MGA: variants seen among roughly 807,000 people sequenced by gnomAD.
The protein encoded by MGA is MAX dimerization protein MGA.
MGA carries 40 observed loss-of-function variants against 261.1 expected under a neutral mutation model. The ratio of observed to expected loss-of-function variants is 0.15; its 90% CI spans 0.12 to 0.20. The LOEUF (loss-of-function observed/expected upper bound fraction) is 0.20. Ranked by LOEUF, MGA falls within the 10% of genes least tolerant of loss-of-function variation. The probability of loss-of-function intolerance (pLI) is 1.00; values close to 1 mark genes in which losing one functional copy is unlikely to be tolerated. For missense variants in MGA, 3,397 were observed against 3,630.5 expected, an observed-to-expected ratio of 0.94 and a Z score of 1.65; for synonymous variants, 1,302 against 1,290.6, an observed-to-expected ratio of 1.01 and a Z score of -0.19.
chr15:41,652,757 T>C (rs1414287218), intron 1 of MGA, among the ~76,000 whole-genome samples: 1 of 152,134 alleles, frequency 6.6e-6, no homozygotes, highest in Non-Finnish European at 1.5e-5. Context: ...AGCTTGAGCT[T>C]TTTGAGGGGA....
At chr15:41,756,782 C>T (rs894796821) in intron 18 of MGA, among the ~76,000 whole-genome samples, 31 of 152,044 alleles carry the variant, frequency 2.0e-4, no homozygotes, top group African/African-American at 6.5e-4. Context: ...TTTGTAGAGA[C>T]GGAGTCTTGC....
chr15:41,653,524 A>G (rs2057109012), intron 1 of MGA, among the ~76,000 whole-genome samples: 1 of 151,986 alleles, frequency 6.6e-6, no homozygotes, highest in Non-Finnish European at 1.5e-5. Flanking sequence ...AATCCAACCT[A>G]GCAAGACCCC....
intron 20 of MGA, among the ~76,000 whole-genome samples, chr15:41,761,017 C>T (rs528125830): frequency 5.3e-5 from 8 of 152,316 alleles, no homozygotes; most frequent in Admixed American, 5.2e-4. Context: ...GTGATCCGCC[C>T]ACCTCAGCCT....
chr15:41,760,424 T>C lies in MGA; in HGVS notation c.7293T>C (p.Asn2431=), dbSNP rs2063387988. 1 of 1,613,898 alleles carries C rather than the reference T, an allele frequency of 6.2e-7. No homozygotes were observed. Among genetic ancestry groups the C allele is most frequent in the Admixed American group, 1.7e-5 (1 of 59,996 alleles). ...ATTATCGCCGGACACACACTGCCAA[T>C]GAGCGGCGGCGGCGTGGTGAAATGA... is the stretch of plus-strand genomic sequence containing the variant. The change falls in exon 20 of 24, where the codon AAT becomes AAC. Residue 2431 remains asparagine (N), a synonymous_variant. Coordinates refer to ENST00000219905, the MANE Select transcript of MGA (RefSeq NM_001164273.2).
rs367966611 is a variant in MGA at position 41,767,028 on chromosome 15, G to T, written c.8946G>T (p.Leu2982Phe). 1 of 1,613,870 alleles carries T rather than the reference G, an allele frequency of 6.2e-7. No homozygotes were observed. The highest frequency in any genetic ancestry group is 8.5e-7 in the Non-Finnish European group (1 of 1,179,916). ...AGAACAGCAACAGCACAGACACTTT[G>T]TGGAGGCCTATGCCAAAGTTGGCCC... is the stretch of plus-strand genomic sequence containing the variant. Residue 2982 changes from leucine to phenylalanine, a missense_variant, in exon 24 of 24, where the codon TTG (leucine) becomes TTT (phenylalanine). Leu to Phe is a conservative substitution (Grantham distance 22, BLOSUM62 0). Transcript: ENST00000219905.
Position 41,669,645 on chromosome 15 carries a change from T to C in MGA, c.751T>C (p.Tyr251His). ...TCAGATTACTCAGCTGAAAATAGAT[T>C]ACAATCCATTTGCCAAAGGCTTTCG... The change falls in exon 2 of 24, where the codon TAC (tyrosine) becomes CAC (histidine). Residue 251 changes from tyrosine (Y) to histidine (H), a missense_variant. By Grantham distance (83) the Tyr-to-His change is moderately conservative. This residue lies in a region of MGA where 563 missense variants were observed against 563.6 expected (regional missense o/e 1.00). Coordinates refer to ENST00000219905, the MANE Select transcript of MGA (RefSeq NM_001164273.2). The C allele has an allele frequency of 6.2e-7, 1 of 1,613,868 alleles. No individual in the cohort carries two copies.
chr15:41,710,553 C>T lies in MGA; in HGVS notation c.2426-138C>T, dbSNP rs1353830798. 8.2e-6 allele frequency: 7 copies of T among 857,062 alleles called. No homozygotes were observed. The African/African-American group carries it at 8.6e-5, about 11-fold the overall frequency. 53.1% of individuals were successfully genotyped at this position (857,062 alleles called of 1,614,324 possible). ...AAGTACTGGGATTACAGGTGGGAGT[C>T]ACTGTGCCCAGCTAAGGGATAGTTT... On this transcript the variant is annotated intron_variant, in intron 7 of 23. Transcript: ENST00000219905.
chr15:41,742,311 C>T (rs1026681485), intron 14 of MGA, among the ~76,000 whole-genome samples: 1 of 151,910 alleles, frequency 6.6e-6, no homozygotes, highest in African/African-American at 2.4e-5. Flanking sequence ...ATTGCTTGAA[C>T]CTGGGAGACA....
intron 1 of MGA, among the ~76,000 whole-genome samples, chr15:41,628,242 G>A (rs2140949452): frequency 6.6e-6 from 1 of 151,938 alleles, no homozygotes; most frequent in Middle Eastern, 3.4e-3. Flanking sequence ...GTGTGGTGGT[G>A]CACGCCTGTA....
intron 1 of MGA, among the ~76,000 whole-genome samples, chr15:41,627,552 GTT>G (rs1595535419): frequency 6.6e-6 from 1 of 152,022 alleles, no homozygotes; most frequent in East Asian, 1.9e-4. Flanking sequence ...TGTCAGTTTT[GTT>G]TTTAAATGTT....
chr15:41,665,524 GC>G (rs1313624996), intron 1 of MGA, among the ~76,000 whole-genome samples: 2 of 152,040 alleles, frequency 1.3e-5, no homozygotes, highest in Non-Finnish European at 2.9e-5. Flanking sequence ...CACTCAAGTA[GC>G]TGGGACTACA....
chr15:41,625,075 C>G (rs536415507), intron 1 of MGA, among the ~76,000 whole-genome samples: 1 of 151,928 alleles, frequency 6.6e-6, no homozygotes, highest in Non-Finnish European at 1.5e-5. Context: ...CTCAGGAGTT[C>G]GAGGCTGCAA....
chr15:41,662,847 C>CA (rs1566943810), intron 1 of MGA, among the ~76,000 whole-genome samples: 1 of 152,116 alleles, frequency 6.6e-6, no homozygotes, highest in African/African-American at 2.4e-5. Context: ...TGGTGCCTGC[C>CA]ATACTACTGT....
chr15:41,623,692 A>T (rs1038856073), intron 1 of MGA, among the ~76,000 whole-genome samples: 1 of 149,478 alleles, frequency 6.7e-6, no homozygotes, highest in Non-Finnish European at 1.5e-5. Flanking sequence ...GCGCCATTGC[A>T]CTCCAGCCTG....
chr15:41,746,128 G>A (rs1293719404), intron 15 of MGA, among the ~76,000 whole-genome samples: 1 of 152,038 alleles, frequency 6.6e-6, no homozygotes, highest in Non-Finnish European at 1.5e-5. Flanking sequence ...CATATTTAAT[G>A]TGTATATTAA....
Position 41,713,116 on chromosome 15 carries a change from T to C in MGA, c.3085-35T>C, listed in dbSNP as rs1241816705. 3.8e-6 allele frequency: 6 copies of C among 1,595,646 alleles called. No individual in the cohort carries two copies. The Admixed American group carries it at 1.0e-4, about 27-fold the overall frequency. On this transcript the variant is annotated intron_variant, in intron 8 of 23. Transcript: ENST00000219905. ...AGTTGGTGGTGGTGTAGGGGGATGGTTTAGTGGAATTACAATTTTCTCCTT... is the reference window on the plus strand; with the variant it reads ...AGTTGGTGGTGGTGTAGGGGGATGGCTTAGTGGAATTACAATTTTCTCCTT...
intron 5 of MGA, among the ~76,000 whole-genome samples, chr15:41,706,819 C>G (rs1340804167): frequency 6.6e-6 from 1 of 152,126 alleles, no homozygotes; most frequent in African/African-American, 2.4e-5. Context: ...AGTGATCTGT[C>G]TGCCTTGGCC....
chr15:41,740,093 G>A lies in MGA; in HGVS notation c.4475G>A (p.Arg1492His), dbSNP rs745655618. ...AAGGTGGCTGCATCCAGGAAACCAC[G>A]TACCCTGTTGCCTTCAACATCCAAT... Residue 1492 changes from arginine to histidine, a missense_variant, in exon 14 of 24, where the codon CGT (arginine) becomes CAT (histidine). This residue lies in a region of MGA where 1,410 missense variants were observed against 1,386.4 expected (regional missense o/e 1.02). Transcript: ENST00000219905. 22 of 1,614,002 alleles carry A rather than the reference G, an allele frequency of 1.4e-5. No homozygotes were observed. Among genetic ancestry groups the A allele is most frequent in the Non-Finnish European group, 1.7e-5 (20 of 1,179,878 alleles).
At chr15:41,686,004 C>G (rs1030078016) in intron 2 of MGA, among the ~76,000 whole-genome samples, 1 of 129,088 alleles carries the variant, frequency 7.7e-6, no homozygotes, top group Admixed American at 7.8e-5. Flanking sequence ...GACTCTGTCT[C>G]AAAAAAAAAA....
Sources: allele counts gnomAD v4.1 joint callset (sites outside exome capture counted in the v4.1 genomes callset), GRCh38; gene constraint gnomAD v4.1.1; regional missense constraint gnomAD v4.1.1; transcripts MANE v1.5; gene names NCBI Gene and HGNC (gene_info 2026-07-23, HGNC 2026-07-21).